Variants in HECW1 observed in about 807,000 individuals in gnomAD.
HECW1 encodes the protein E3 ubiquitin-protein ligase HECW1.
In HECW1, 61 loss-of-function variants were observed where a neutral mutation model predicts 182.3. That is an observed-to-expected ratio of 0.33 (90% CI 0.27 to 0.41). The LOEUF (loss-of-function observed/expected upper bound fraction) is 0.41, where lower values mean the gene tolerates loss of function less well. Ranked by LOEUF, HECW1 falls within the 10% of genes least tolerant of loss-of-function variation. The pLI is 1.00. For synonymous variants in HECW1, 859 were observed against 832.6 expected, an observed-to-expected ratio of 1.03 and a Z score of -0.55; for missense variants, 1,739 against 2,108.9, an observed-to-expected ratio of 0.82 and a Z score of 3.44.
At position 43,114,320 on chromosome 7, in the gene HECW1, C is replaced by G; in HGVS notation, c.-103C>G. 7.3e-7 allele frequency: 1 copy of G among 1,361,466 alleles called. No homozygotes were observed. Among genetic ancestry groups the G allele is most frequent in the Non-Finnish European group, 9.7e-7 (1 of 1,033,010 alleles). 84.3% of individuals were successfully genotyped at this position (1,361,466 alleles called of 1,614,324 possible). A position where few individuals can be genotyped will look rare whatever the true frequency, so the allele number is the denominator to read the frequency against. Reference sequence around the variant, plus strand: ...TAAAGACCCCGGCAGTGTTGTGGTCCAAGGCGTCTCAAAGCAGGTGGCCAG... The same window carrying G: ...TAAAGACCCCGGCAGTGTTGTGGTCGAAGGCGTCTCAAAGCAGGTGGCCAG... On this transcript the variant is annotated 5_prime_UTR_variant, in exon 2 of 30. Coordinates refer to ENST00000395891, the MANE Select transcript of HECW1 (RefSeq NM_015052.5).
At chr7:43,523,756 G>T (rs2080631829) in intron 24 of HECW1, among the ~76,000 whole-genome samples, 1 of 152,174 alleles carries the variant, frequency 6.6e-6, no homozygotes, top group African/African-American at 2.4e-5. Flanking sequence ...ACCAGAGGGA[G>T]GGAGAGGCTG....
intron 3 of HECW1, 120 bp downstream of exon 3, chr7:43,244,052 C>A: frequency 1.2e-6 from 1 of 813,500 alleles, no homozygotes; most frequent in Non-Finnish European, 2.2e-6. Flanking sequence ...CAGGAATTAT[C>A]TCAAGTGTGG....
At chr7:43,152,963 G>A (rs1789499531) in intron 2 of HECW1, among the ~76,000 whole-genome samples, 1 of 152,126 alleles carries the variant, frequency 6.6e-6, no homozygotes, top group African/African-American at 2.4e-5. Context: ...TTAGTCTGGA[G>A]CTTCTTTTAA....
At chr7:43,315,613 C>G (rs551195386) in intron 4 of HECW1, among the ~76,000 whole-genome samples, 2 of 152,098 alleles carry the variant, frequency 1.3e-5, no homozygotes, top group South Asian at 4.1e-4. Context: ...CCTGATTCAG[C>G]CTCTCAAGTA....
intron 2 of HECW1, among the ~76,000 whole-genome samples, chr7:43,218,734 A>G (rs1216568441): frequency 1.3e-5 from 2 of 152,222 alleles, no homozygotes; most frequent in African/African-American, 2.4e-5. Context: ...AGGTTCATTA[A>G]TTTGGAGCAA....
At chr7:43,466,633 A>G in intron 15 of HECW1, 65 bp downstream of exon 15, 1 of 1,552,872 alleles carries the variant, frequency 6.4e-7, no homozygotes, top group Non-Finnish European at 8.7e-7. Context: ...AGCTTTGTAA[A>G]GTCATCTGAT....
At chr7:43,357,537 G>A (rs746666727) in intron 5 of HECW1, among the ~76,000 whole-genome samples, 1 of 152,174 alleles carries the variant, frequency 6.6e-6, no homozygotes, top group Non-Finnish European at 1.5e-5. Context: ...ATTGAGAGTA[G>A]ATTGGTGGTT....
chr7:43,243,839 T>C lies in HECW1; in HGVS notation c.-31-36T>C. ...TGTTGCTGATTTTGTTTGCTTGGGA[T>C]ACACGCTAAGTTAACCTCGTTGGAC... On this transcript the variant is annotated intron_variant, in intron 2 of 29. Transcript: ENST00000395891. This position sits in a 1 kb window ranked among gnomAD's most constrained non-coding sequence, Gnocchi z 4.0. The C allele has an allele frequency of 6.6e-7, 1 of 1,519,430 alleles. No individual in the cohort carries two copies. 94.1% of individuals were successfully genotyped at this position (1,519,430 alleles called of 1,614,324 possible). A position where few individuals can be genotyped will look rare whatever the true frequency, so the allele number is the denominator to read the frequency against.
intron 8 of HECW1, among the ~76,000 whole-genome samples, chr7:43,431,650 C>T (rs1434060167): frequency 6.6e-6 from 1 of 152,198 alleles, no homozygotes; most frequent in Non-Finnish European, 1.5e-5. Context: ...TAGTTGCTCC[C>T]AGATGCCTTC....
At chr7:43,373,790 T>C (rs1183128251) in intron 6 of HECW1, among the ~76,000 whole-genome samples, 1 of 152,184 alleles carries the variant, frequency 6.6e-6, no homozygotes, top group African/African-American at 2.4e-5. Flanking sequence ...CACCAGCTCC[T>C]CATTCTCCCC....
At chr7:43,451,390 A>T (rs960339896) in intron 12 of HECW1, among the ~76,000 whole-genome samples, 2 of 152,324 alleles carry the variant, frequency 1.3e-5, no homozygotes, top group East Asian at 1.9e-4. Context: ...TTTCCTTACT[A>T]TAACTTCCAT....
At chr7:43,525,627 C>T (rs1270959086) in intron 24 of HECW1, among the ~76,000 whole-genome samples, 2 of 152,154 alleles carry the variant, frequency 1.3e-5, no homozygotes, top group African/African-American at 4.8e-5. Flanking sequence ...GACAGAGGTA[C>T]AATCCTAATC....
At position 43,392,492 on chromosome 7, in the gene HECW1, A is replaced by G. The variant is rs542889355; in HGVS notation, c.556-4322A>G. ...CCAAATACATGCTCATTTGGCATTC[A>G]GCTTTAGGTTTCTTCATATTTGTTT... On this transcript the variant is annotated intron_variant, in intron 6 of 29. Coordinates refer to ENST00000395891, the MANE Select transcript of HECW1 (RefSeq NM_015052.5). Among the ~76,000 whole-genome samples, 3 of 152,312 alleles carry G rather than the reference A, an allele frequency of 2.0e-5. No individual in the cohort carries two copies. The East Asian group carries it at 5.8e-4, about 29-fold the overall frequency.
At chr7:43,332,779 C>G (rs1452132936) in intron 5 of HECW1, among the ~76,000 whole-genome samples, 3 of 152,238 alleles carry the variant, frequency 2.0e-5, no homozygotes, top group Non-Finnish European at 4.4e-5. Context: ...ATACCAGCAG[C>G]TAAACTTCTT....
chr7:43,124,985 CTT>C (rs1786052457), intron 2 of HECW1, among the ~76,000 whole-genome samples: 1 of 152,076 alleles, frequency 6.6e-6, no homozygotes, highest in Non-Finnish European at 1.5e-5. Flanking sequence ...GACTGAGTGA[CTT>C]ATAAACAACA....
chr7:43,203,195 A>G (rs905164312), intron 2 of HECW1, among the ~76,000 whole-genome samples: 1 of 152,050 alleles, frequency 6.6e-6, no homozygotes. Context: ...TACTTATTAT[A>G]TTTCAAATAG....
chr7:43,197,517 T>C (rs1451624021), intron 2 of HECW1, among the ~76,000 whole-genome samples: 1 of 152,178 alleles, frequency 6.6e-6, no homozygotes, highest in Non-Finnish European at 1.5e-5. Flanking sequence ...ACCCACCTCT[T>C]GGCACAGAGC....
chr7:43,471,010 G>T (rs542563662), intron 16 of HECW1, among the ~76,000 whole-genome samples: 1 of 152,298 alleles, frequency 6.6e-6, no homozygotes, highest in African/African-American at 2.4e-5. Context: ...CCTTAAAATA[G>T]CAACAGTAAT....
intron 2 of HECW1, among the ~76,000 whole-genome samples, chr7:43,154,703 G>A (rs747307385): frequency 1.3e-5 from 2 of 152,150 alleles, no homozygotes; most frequent in Non-Finnish European, 2.9e-5. Flanking sequence ...CAGGAAGCAG[G>A]AATGTCTTAA....
Sources: gnomAD v4.1 joint callset for allele counts (sites outside exome capture counted in the v4.1 genomes callset) on GRCh38, gnomAD v4.1.1 for gene constraint, Gnocchi (gnomAD v3.1) non-coding constraint, MANE v1.5 for transcripts, NCBI Gene and HGNC (gene_info 2026-07-23, HGNC 2026-07-21) for gene names.